ANO2: variants seen among roughly 807,000 people sequenced by gnomAD.
ANO2 encodes anoctamin-2.
In ANO2, 101 loss-of-function variants were observed where a neutral mutation model predicts 124.2. That is an observed-to-expected ratio of 0.81 (90% CI 0.69 to 0.96). ANO2 has a LOEUF of 0.96. Ranked by LOEUF, ANO2 falls within the 40% of genes least tolerant of loss-of-function variation. ANO2 has a pLI of 0.00. For missense variants in ANO2, 1,293 were observed against 1,274.5 expected, an observed-to-expected ratio of 1.01 and a Z score of -0.22; for synonymous variants, 486 against 482.5, an observed-to-expected ratio of 1.01 and a Z score of -0.09.
At chr12:5,574,716 C>T (rs1942306871) in intron 23 of ANO2, among the ~76,000 whole-genome samples, 1 of 152,218 alleles carries the variant, frequency 6.6e-6, no homozygotes, top group Non-Finnish European at 1.5e-5. Context: ...AGCTGCGCTC[C>T]CTGGGTCCTA....
chr12:5,764,048 C>T (rs1951810428), intron 10 of ANO2, among the ~76,000 whole-genome samples: 1 of 152,176 alleles, frequency 6.6e-6, no homozygotes, highest in Admixed American at 6.5e-5. Flanking sequence ...TCCACTATTC[C>T]ACATTATCTA....
At chr12:5,933,239 A>G (rs1244487438) in intron 1 of ANO2, among the ~76,000 whole-genome samples, 2 of 152,184 alleles carry the variant, frequency 1.3e-5, no homozygotes, top group Admixed American at 6.5e-5. Flanking sequence ...ACACACAGCC[A>G]CACATGCACA....
At chr12:5,786,607 A>T (rs914172398) in intron 10 of ANO2, among the ~76,000 whole-genome samples, 2 of 152,122 alleles carry the variant, frequency 1.3e-5, no homozygotes, top group African/African-American at 4.8e-5. Context: ...ACTTAAGGAA[A>T]CAGGGCTGTT....
chr12:5,583,729 G>T, intron 20 of ANO2: 1 of 152,556 alleles, frequency 6.6e-6, no homozygotes, highest in East Asian at 1.9e-4. Context: ...TAAAGAAGTT[G>T]AATATTGGGG....
intron 3 of ANO2, among the ~76,000 whole-genome samples, chr12:5,866,860 C>T (rs180837769): frequency 1.3e-5 from 2 of 152,336 alleles, no homozygotes; most frequent in East Asian, 1.9e-4. Context: ...TGAGAGAGTC[C>T]GCCTAGTCAA....
chr12:5,821,801 C>T (rs918008990), intron 7 of ANO2, among the ~76,000 whole-genome samples: 1 of 152,176 alleles, frequency 6.6e-6, no homozygotes, highest in African/African-American at 2.4e-5. Context: ...TCATGAACAG[C>T]AGCATTCCAT....
At chr12:5,650,735 G>C (rs1565522791) in intron 14 of ANO2, among the ~76,000 whole-genome samples, 6 of 152,198 alleles carry the variant, frequency 3.9e-5, no homozygotes. Context: ...AGTAGGCTTG[G>C]AACCAGGACA....
chr12:5,914,174 T>C (rs1445782851), intron 3 of ANO2, among the ~76,000 whole-genome samples: 10 of 149,804 alleles, frequency 6.7e-5, no homozygotes, highest in Non-Finnish European at 8.9e-5. Flanking sequence ...CACTCCAGCC[T>C]AGGTGACAGA....
intron 19 of ANO2, 81 bp downstream of exon 19, chr12:5,612,575 A>G: frequency 8.5e-7 from 1 of 1,180,038 alleles, no homozygotes; most frequent in Non-Finnish European, 1.3e-6. Context: ...AGGAAAGGCC[A>G]TAGAAAACCT....
At chr12:5,830,062 C>T (rs758410290) in intron 6 of ANO2, among the ~76,000 whole-genome samples, 10 of 152,172 alleles carry the variant, frequency 6.6e-5, no homozygotes, top group Admixed American at 3.3e-4. Context: ...CTTGTTCTGA[C>T]GCTAACGATC....
chr12:5,693,179 C>A (rs1279296928), intron 14 of ANO2, among the ~76,000 whole-genome samples: 2 of 152,172 alleles, frequency 1.3e-5, no homozygotes, highest in Non-Finnish European at 2.9e-5. Context: ...ATGTCAGTGA[C>A]TCTCCAGCTA....
rs12812404 is a variant in ANO2, at chr12:5,931,369, A to G, written c.23-8565T>C. 2.3e-3 allele frequency among the ~76,000 whole-genome samples: 348 copies of G among 151,914 alleles called. 5 individuals carry two copies. Among genetic ancestry groups the G allele is most frequent in the Middle Eastern group, 6.8e-3 (2 of 292 alleles). On this transcript the variant is annotated intron_variant, in intron 1 of 24. Transcript: ENST00000682330. ...CGTGCAGTATTTCACATCTCTGTTC[A>G]TTCATTGCAGACCCATTTAACTTCC...
intron 10 of ANO2, among the ~76,000 whole-genome samples, chr12:5,766,169 G>A (rs1176278254): frequency 6.6e-6 from 1 of 152,176 alleles, no homozygotes; most frequent in Non-Finnish European, 1.5e-5. Context: ...CTGAGCATAG[G>A]TATCCGGTAT....
At chr12:5,638,236 C>T (rs10744687) in intron 15 of ANO2, among the ~76,000 whole-genome samples, 89,856 of 138,296 alleles carry the variant, frequency 0.65, 29,579 homozygotes, top group East Asian at 0.8. Flanking sequence ...TGTTTCTTTT[C>T]CTTTTTTTTT....
At chr12:5,597,094 AT>A (rs751392380) in intron 20 of ANO2, among the ~76,000 whole-genome samples, 22 of 151,820 alleles carry the variant, frequency 1.4e-4, no homozygotes, top group Non-Finnish European at 2.6e-4. Flanking sequence ...TTAATGTTTT[AT>A]TTCTCTTTTT....
At chr12:5,771,224 G>A (rs1472441102) in intron 10 of ANO2, among the ~76,000 whole-genome samples, 1 of 152,112 alleles carries the variant, frequency 6.6e-6, no homozygotes, top group African/African-American at 2.4e-5. Context: ...AACCCCATAA[G>A]GTGGGTTATA....
intron 9 of ANO2, among the ~76,000 whole-genome samples, chr12:5,805,044 G>A (rs2137170680): frequency 6.6e-6 from 1 of 152,202 alleles, no homozygotes; most frequent in South Asian, 2.1e-4. Context: ...TAAACACCGA[G>A]ACTATTAGCA....
chr12:5,794,533 T>C (rs1425016933), intron 10 of ANO2, among the ~76,000 whole-genome samples: 1 of 152,248 alleles, frequency 6.6e-6, no homozygotes, highest in Non-Finnish European at 1.5e-5. Context: ...TCAGTCGTCC[T>C]TCAGAAAGCA....
rs1565567642 is a variant in ANO2, at chr12:5,686,889, C to A, written c.1546-39088G>T. ...TAAGCCTCAAGTGCATCCATCAAGTCCCACTTAGTGCTTCTGGAAACCTGG... is the reference window on the plus strand; with the variant it reads ...TAAGCCTCAAGTGCATCCATCAAGTACCACTTAGTGCTTCTGGAAACCTGG... On this transcript the variant is annotated intron_variant, in intron 14 of 24. Transcript: ENST00000682330. Among the ~76,000 whole-genome samples the A allele has an allele frequency of 2.6e-5, 4 of 152,352 alleles. No homozygotes were observed. In the East Asian group the frequency reaches 7.7e-4, roughly 29 times the overall value.
Sources: allele counts gnomAD v4.1 joint callset (sites outside exome capture counted in the v4.1 genomes callset), GRCh38; gene constraint gnomAD v4.1.1; transcripts MANE v1.5; gene names NCBI Gene and HGNC (gene_info 2026-07-23, HGNC 2026-07-21).